The following CEP43 variants were observed in gnomAD, a reference collection of about 807,000 sequenced individuals.
The protein encoded by CEP43 is FGFR1 oncogene partner.
CEP43 carries 36 observed loss-of-function variants against 52.6 expected under a neutral mutation model. The ratio of observed to expected loss-of-function variants is 0.68; its 90% CI spans 0.52 to 0.90. CEP43 has a LOEUF of 0.90. Ranked by LOEUF, CEP43 falls within the 40% of genes least tolerant of loss-of-function variation. The probability of loss-of-function intolerance (pLI) is 0.00; values close to 1 mark genes in which losing one functional copy is unlikely to be tolerated. For missense variants in CEP43, 506 were observed against 472.8 expected (o/e 1.07, Z -0.65); for synonymous variants, 192 against 172.4 (o/e 1.11, Z -0.89).
chr6:167,008,841 C>CA (rs1167520522), intron 5 of CEP43, among the ~76,000 whole-genome samples: 1 of 152,042 alleles, frequency 6.6e-6, no homozygotes, highest in Non-Finnish European at 1.5e-5. Flanking sequence ...GAGGAATACC[C>CA]ATTTAGAAGA....
rs112771995 is a variant in CEP43, at chr6:167,015,073, C to A, written c.579+1506C>A. ...TTTCACTTTGTGTGATGTGAAATAA[C>A]TGTGATGGGCCCAGACTTTAGCTTT... On this transcript the variant is annotated intron_variant, in intron 7 of 12. Coordinates refer to ENST00000366847, the MANE Select transcript of CEP43 (RefSeq NM_007045.4). Among the ~76,000 whole-genome samples the A allele has an allele frequency of 6.8e-3, 1,035 of 152,338 alleles. 6 individuals carry two copies. Among genetic ancestry groups the A allele is most frequent in the Admixed American group, 0.011 (172 of 15,304 alleles).
At chr6:167,010,985 A>G in intron 6 of CEP43, 92 bp downstream of exon 6, 2 of 628,484 alleles carry the variant, frequency 3.2e-6, no homozygotes, top group East Asian at 3.1e-5. Context: ...TACAAGTTGT[A>G]TTGTTTTATA....
Position 167,024,788 on chromosome 6 carries a change from G to T in CEP43, c.813G>T (p.Lys271Asn), listed in dbSNP as rs17856382. The change falls in exon 9 of 13, where the codon AAG (lysine) becomes AAT (asparagine). Residue 271 changes from lysine (K) to asparagine (N), a missense_variant. Lys to Asn is a moderately conservative substitution (Grantham distance 94). Transcript: ENST00000366847. ...TGTCCTTGTTTCTTGTTAGGAGGAA[G>T]GAACCTAGGAAGCAAGCAGGAAGTC... The part of the protein sequence containing the change: ...PKPEKTYGLR[K>N]EPRKQAGSLA... 28,227 of 1,611,532 alleles carry T rather than the reference G, an allele frequency of 0.018. 419 individuals are homozygous for T. Among genetic ancestry groups the T allele is most frequent in the East Asian group, 0.076 (3,423 of 44,826 alleles).
At chr6:167,036,631 G>A in intron 12 of CEP43, 1 of 985,382 alleles carries the variant, frequency 1.0e-6, no homozygotes, top group Non-Finnish European at 1.2e-6. Flanking sequence ...CGATTTGTAT[G>A]AAGCTTGCTA....
At position 167,022,629 on chromosome 6, in the gene CEP43, AC is replaced by A; in HGVS notation, c.801del (p.Tyr267Ter). On this transcript the variant is annotated frameshift_variant, in exon 8 of 13. Coordinates refer to ENST00000366847, the MANE Select transcript of CEP43 (RefSeq NM_007045.4). LOFTEE classifies it high-confidence loss of function. Reference sequence around the variant, plus strand: ...CCCATTCCTAAGCCAGAGAAAACTTACGGTTTGTGAGTAAATGGTTTTTGAG... The same window carrying A: ...CCCATTCCTAAGCCAGAGAAAACTTAGGTTTGTGAGTAAATGGTTTTTGAG... ...DDPIPKPEKT[Y>X]GLRKEPRKQA... 6.2e-7 allele frequency: 1 copy of A among 1,610,120 alleles called. No homozygotes were observed. Among genetic ancestry groups the A allele is most frequent in the Non-Finnish European group, 8.5e-7 (1 of 1,176,550 alleles).
Position 167,044,019 on chromosome 6 carries a change from A to G in CEP43, c.*4041A>G, listed in dbSNP as rs1281090995. 1 of 152,158 alleles carries G rather than the reference A, an allele frequency of 6.6e-6. No individual in the cohort carries two copies. Among genetic ancestry groups the G allele is most frequent in the African/African-American group, 2.4e-5 (1 of 41,406 alleles). 9.4% of individuals were successfully genotyped at this position (152,158 alleles called of 1,614,324 possible). On this transcript the variant is annotated 3_prime_UTR_variant, in exon 13 of 13. Transcript: ENST00000366847. The stretch of plus-strand genomic sequence containing the variant: ...AGCGCCCTTATAGGAGGCCCGGGAG[A>G]GCTGCTTTGCCCCTTCCAGCGTGTG...
At chr6:167,036,794 T>C (rs1583293273) in intron 12 of CEP43, 1 of 984,356 alleles carries the variant, frequency 1.0e-6, no homozygotes, top group Non-Finnish European at 1.2e-6. Context: ...GCCGCCTTTA[T>C]TAGTTTTGTT....
intron 12 of CEP43, among the ~76,000 whole-genome samples, chr6:167,034,751 AT>A (rs535626668): frequency 1.0e-3 from 158 of 152,186 alleles, no homozygotes; most frequent in Admixed American, 2.6e-3. Context: ...TCTTTCATAT[AT>A]TTTCTTATTT....
At chr6:167,024,942 T>G (rs765144069) in intron 9 of CEP43, 48 bp downstream of exon 9, 4 of 1,022,044 alleles carry the variant, frequency 3.9e-6, no homozygotes, top group South Asian at 1.4e-5. Context: ...ATTTTTTCTC[T>G]AATTAAATAC....
chr6:167,038,474 A>G (rs113727751), intron 12 of CEP43, among the ~76,000 whole-genome samples: 131 of 152,354 alleles, frequency 8.6e-4, no homozygotes, highest in Non-Finnish European at 1.4e-3. Context: ...ACGTGGGTAA[A>G]TTATGGTTTT....
At position 167,040,000 on chromosome 6, in the gene CEP43, A is replaced by T. The variant is rs1780660671; in HGVS notation, c.*22A>T. ...ATAGACACGAAGAAGGAAGTATTCT[A>T]ATTAACAAGGACAGAGGACTGACCG... On this transcript the variant is annotated 3_prime_UTR_variant, in exon 13 of 13. Transcript: ENST00000366847. 2 of 1,611,564 alleles carry T rather than the reference A, an allele frequency of 1.2e-6. No homozygotes were observed. The highest frequency in any genetic ancestry group is 1.7e-6 in the Non-Finnish European group (2 of 1,179,632).
chr6:167,030,970 T>A (rs1780457965), intron 10 of CEP43, among the ~76,000 whole-genome samples: 1 of 152,214 alleles, frequency 6.6e-6, no homozygotes, highest in African/African-American at 2.4e-5. Context: ...CCACTCCTTT[T>A]TTCTTCCTCC....
chr6:167,013,741 A>G (rs1195150427), intron 7 of CEP43, among the ~76,000 whole-genome samples, 174 bp downstream of exon 7: 1 of 152,254 alleles, frequency 6.6e-6, no homozygotes, highest in Non-Finnish European at 1.5e-5. Context: ...TGGGAGTCCA[A>G]GGCGGGCGGA....
In CEP43 at chr6:167,052,394, C is replaced by T. The variant is rs9459854; in HGVS notation, c.*12416C>T. ...GGAAGGAAAAGTGTGTGAAAGGGGG[C>T]TCCACCTCCTTTAGTGGATACCCTG... On this transcript the variant is annotated 3_prime_UTR_variant, in exon 13 of 13. Transcript: ENST00000366847. The T allele has an allele frequency of 0.31, 47,552 of 151,940 alleles. 8,211 individuals are homozygous for T. The highest frequency in any genetic ancestry group is 0.41 in the Middle Eastern group (122 of 294). The allele number at this position is 151,940 out of a possible 1,614,324, so 9.4% of individuals were successfully genotyped here.
intron 10 of CEP43, chr6:167,028,552 C>G (rs1399009691): frequency 2.1e-6 from 2 of 959,646 alleles, no homozygotes; most frequent in Admixed American, 6.2e-5. Flanking sequence ...ATACAGTACT[C>G]TAGGTATTTT....
At chr6:167,038,002 G>A (rs928543695) in intron 12 of CEP43, among the ~76,000 whole-genome samples, 1 of 152,186 alleles carries the variant, frequency 6.6e-6, no homozygotes, top group African/African-American at 2.4e-5. Context: ...TCCTTGTTCA[G>A]CTGTCAGTGG....
At chr6:167,036,446 A>C (rs913880022) in intron 12 of CEP43, 15 of 985,330 alleles carry the variant, frequency 1.5e-5, no homozygotes, top group Non-Finnish European at 1.8e-5. Flanking sequence ...TAGTCTCTGC[A>C]CGGGAGCCAG....
rs1475321126 is a variant in CEP43 at position 167,042,695 on chromosome 6, C to G, written c.*2717C>G. On this transcript the variant is annotated 3_prime_UTR_variant, in exon 13 of 13. Transcript: ENST00000366847. ...AGCTGGTTTATTTCAGTCTCATGTT[C>G]AAAGACGCTTCCAGACCTAAGGGAG... The G allele has an allele frequency of 1.3e-5, 2 of 152,280 alleles. No individual in the cohort carries two copies. Among genetic ancestry groups the G allele is most frequent in the African/African-American group, 4.8e-5 (2 of 41,446 alleles). The allele number at this position is 152,280 out of a possible 1,614,324, so 9.4% of individuals were successfully genotyped here.
intron 7 of CEP43, among the ~76,000 whole-genome samples, chr6:167,020,427 C>G (rs1780199997): frequency 6.6e-6 from 1 of 152,124 alleles, no homozygotes; most frequent in African/African-American, 2.4e-5. Flanking sequence ...AAAAGTGAAA[C>G]CATCCTTCAG....
Sources: gnomAD v4.1 joint callset for allele counts (sites outside exome capture counted in the v4.1 genomes callset) on GRCh38, gnomAD v4.1.1 for gene constraint, MANE v1.5 for transcripts, NCBI Gene and HGNC (gene_info 2026-07-23, HGNC 2026-07-21) for gene names.